PTPRK: variants seen among roughly 807,000 people sequenced by gnomAD.
The protein encoded by PTPRK is protein tyrosine phosphatase receptor type K, also known as receptor-type tyrosine-protein phosphatase kappa.
In PTPRK, 75 loss-of-function variants were observed where a neutral mutation model predicts 178.0. The observed-to-expected ratio is 0.42, with a 90% CI of 0.35 to 0.51. The LOEUF (loss-of-function observed/expected upper bound fraction) is 0.51, where lower values mean the gene tolerates loss of function less well. Among genes scored for constraint, PTPRK ranks in the 20% least tolerant of loss-of-function variants. The pLI, the probability that PTPRK is intolerant of heterozygous loss-of-function variation, is 0.02. For synonymous variants in PTPRK, 637 were observed against 620.6 expected (o/e 1.03, Z -0.39); for missense variants, 1,441 against 1,797.8 (o/e 0.80, Z 3.59).
chr6:128,411,113 G>T (rs145884995), intron 1 of PTPRK, among the ~76,000 whole-genome samples: 5 of 152,068 alleles, frequency 3.3e-5, no homozygotes, highest in Admixed American at 1.3e-4. Flanking sequence ...GGCTAGTCTC[G>T]AACTTCTGAG....
chr6:128,020,420 G>T (rs185783479), intron 13 of PTPRK, among the ~76,000 whole-genome samples: 1 of 152,256 alleles, frequency 6.6e-6, no homozygotes, highest in East Asian at 1.9e-4. Context: ...GACGTTGGGG[G>T]AAAAAGCTTC....
chr6:128,364,466 T>C (rs1483550529), intron 2 of PTPRK, among the ~76,000 whole-genome samples: 4 of 152,066 alleles, frequency 2.6e-5, no homozygotes, highest in African/African-American at 7.2e-5. Flanking sequence ...ATATAATTGA[T>C]TTGAAACCTG....
chr6:128,460,214 T>C (rs968632941), intron 1 of PTPRK, among the ~76,000 whole-genome samples: 1 of 152,140 alleles, frequency 6.6e-6, no homozygotes, highest in Non-Finnish European at 1.5e-5. Flanking sequence ...TATAGATTCA[T>C]TGTATGTCCC....
At chr6:128,228,385 G>A (rs1057283563) in intron 5 of PTPRK, among the ~76,000 whole-genome samples, 3 of 151,266 alleles carry the variant, frequency 2.0e-5, no homozygotes, top group East Asian at 2.0e-4. Flanking sequence ...GGTGGCTCAC[G>A]CCTGTAATCC....
intron 1 of PTPRK, among the ~76,000 whole-genome samples, chr6:128,403,211 T>C (rs1029001019): frequency 1.3e-5 from 2 of 152,210 alleles, no homozygotes; most frequent in African/African-American, 4.8e-5. Context: ...CTGTATATTA[T>C]TCGAAGCAGA....
At chr6:128,422,694 A>AAAAAAC (rs1843631957) in intron 1 of PTPRK, among the ~76,000 whole-genome samples, 1 of 150,866 alleles carries the variant, frequency 6.6e-6, no homozygotes, top group African/African-American at 2.4e-5. Flanking sequence ...AAAAAAAAAA[A>AAAAAAC]AAAAAAAAAA....
chr6:128,216,378 T>C (rs1199613191), intron 6 of PTPRK, among the ~76,000 whole-genome samples: 1 of 151,748 alleles, frequency 6.6e-6, no homozygotes, highest in South Asian at 2.1e-4. Context: ...CTATTAAAAA[T>C]ACAAAAATTA....
At chr6:128,517,788 T>C (rs965266623) in intron 1 of PTPRK, among the ~76,000 whole-genome samples, 15 of 152,238 alleles carry the variant, frequency 9.9e-5, no homozygotes, top group African/African-American at 3.6e-4. Flanking sequence ...TTAATGAGTA[T>C]GATTTGAAAG....
intron 6 of PTPRK, among the ~76,000 whole-genome samples, chr6:128,189,235 C>CTTTTTTTTTTTTTTTT (rs71028115): frequency 1.5e-5 from 1 of 67,464 alleles, no homozygotes; most frequent in Non-Finnish European, 2.6e-5. Context: ...TACTCTTTTT[C>CTTTTTTTTTTTTTTTT]TTTTTTTTTT....
At chr6:128,163,298 A>G (rs1318879894) in intron 7 of PTPRK, among the ~76,000 whole-genome samples, 1 of 151,050 alleles carries the variant, frequency 6.6e-6, no homozygotes, top group Non-Finnish European at 1.5e-5. Flanking sequence ...AAAATAATAA[A>G]TAATATGTTA....
intron 13 of PTPRK, among the ~76,000 whole-genome samples, chr6:128,051,544 G>A (rs1021510737): frequency 5.3e-5 from 8 of 152,102 alleles, no homozygotes; most frequent in South Asian, 2.1e-4. Context: ...ATTAACTATC[G>A]TTTATAAGCC....
intron 7 of PTPRK, among the ~76,000 whole-genome samples, chr6:128,162,012 T>C (rs531074257): frequency 1.3e-5 from 2 of 151,592 alleles, no homozygotes; most frequent in Non-Finnish European, 3.0e-5. Flanking sequence ...ATGAAACTCA[T>C]ATAACAGACC....
chr6:128,226,695 C>G (rs1225348068), intron 5 of PTPRK, among the ~76,000 whole-genome samples: 2 of 149,276 alleles, frequency 1.3e-5, no homozygotes. Context: ...AAACCAATTC[C>G]TTGCAGTAAA....
At position 127,994,018 on chromosome 6, in the gene PTPRK, AT is replaced by A. The variant is rs561402419; in HGVS notation, c.2845-1310del. On this transcript the variant is annotated intron_variant, in intron 18 of 29. Coordinates refer to ENST00000368226, the MANE Select transcript of PTPRK (RefSeq NM_002844.4). Reference sequence around the variant, plus strand: ...TTACAAATTTGTCATAGAACTGTTGATTTTTTTATTCTAAAAATTAGACCAT... The same window carrying A: ...TTACAAATTTGTCATAGAACTGTTGATTTTTTATTCTAAAAATTAGACCAT... Among the ~76,000 whole-genome samples, 549 of 151,822 alleles carry A rather than the reference AT, an allele frequency of 3.6e-3. 4 individuals carry two copies. Among genetic ancestry groups the A allele is most frequent in the African/African-American group, 0.012 (511 of 41,532 alleles).
chr6:128,085,806 AAG>A (rs1785685568), intron 8 of PTPRK, among the ~76,000 whole-genome samples: 1 of 152,218 alleles, frequency 6.6e-6, no homozygotes, highest in Admixed American at 6.5e-5. Flanking sequence ...AGTTGTGGAC[AAG>A]AGAGTGTCAT....
intron 1 of PTPRK, among the ~76,000 whole-genome samples, chr6:128,461,830 A>G (rs944302742): frequency 6.6e-6 from 1 of 152,210 alleles, no homozygotes; most frequent in African/African-American, 2.4e-5. Flanking sequence ...CATTTCATAC[A>G]TAACTGGAAT....
At chr6:128,395,684 C>T (rs996724099) in intron 2 of PTPRK, among the ~76,000 whole-genome samples, 5 of 151,758 alleles carry the variant, frequency 3.3e-5, no homozygotes, top group African/African-American at 9.7e-5. Flanking sequence ...AGGTTACATA[C>T]CTTTGAAAGA....
In PTPRK at chr6:128,519,920, AAC is replaced by A. The variant is rs776266262; in HGVS notation, c.100+337_100+338del. 2.0e-5 allele frequency among the ~76,000 whole-genome samples: 3 copies of A among 152,172 alleles called. No individual in the cohort carries two copies. The highest frequency in any genetic ancestry group is 1.3e-4 in the Admixed American group (2 of 15,288). On this transcript the variant is annotated intron_variant, in intron 1 of 29. Transcript: ENST00000368226. This position sits in a 1 kb window ranked among gnomAD's most constrained non-coding sequence, Gnocchi z 4.3. The stretch of plus-strand genomic sequence containing the variant: ...ACAGCAACAAACCCGCACCACAAGC[AAC>A]AGAGTGCCGTCACGGGAGTCGTAAC...
intron 1 of PTPRK, chr6:128,500,697 T>C (rs1855430947): frequency 6.6e-6 from 1 of 152,164 alleles, no homozygotes; most frequent in African/African-American, 2.4e-5. Context: ...TGAATATTAT[T>C]TGTCTCTATG....
Sources: gnomAD v4.1 joint callset for allele counts (sites outside exome capture counted in the v4.1 genomes callset) on GRCh38, gnomAD v4.1.1 for gene constraint, Gnocchi (gnomAD v3.1) non-coding constraint, MANE v1.5 for transcripts, NCBI Gene and HGNC (gene_info 2026-07-23, HGNC 2026-07-21) for gene names.